Variants in CPEB3 observed in about 807,000 individuals in gnomAD.
The protein encoded by CPEB3 is cytoplasmic polyadenylation element-binding protein 3.
In CPEB3, 20 loss-of-function variants were observed where a neutral mutation model predicts 67.2. The ratio of observed to expected loss-of-function variants is 0.30; its 90% CI spans 0.21 to 0.43. CPEB3 has a LOEUF of 0.43. Ranked by LOEUF, CPEB3 falls within the 20% of genes least tolerant of loss-of-function variation. CPEB3 has a pLI of 1.00. For synonymous variants in CPEB3, 376 were observed against 393.1 expected, an observed-to-expected ratio of 0.96 and a Z score of 0.51; for missense variants, 746 against 968.6, an observed-to-expected ratio of 0.77 and a Z score of 3.05.
At position 92,233,461 on chromosome 10, in the gene CPEB3, G is replaced by A. The variant is rs531575345; in HGVS notation, c.1005+5885C>T. On this transcript the variant is annotated intron_variant, in intron 2 of 9. Coordinates refer to ENST00000265997, the MANE Select transcript of CPEB3 (RefSeq NM_014912.5). ...TTGAGGAATGAGAATTGCTTGAACA[G>A]GGAAGGCAGATGTTGCAGTGAGCCA... Among the ~76,000 whole-genome samples the A allele has an allele frequency of 5.3e-5, 8 of 151,306 alleles. No individual in the cohort carries two copies. The South Asian group carries it at 1.5e-3, about 28-fold the overall frequency.
At chr10:92,272,170 T>C (rs1157470538) in intron 1 of CPEB3, 1 of 152,168 alleles carries the variant, frequency 6.6e-6, no homozygotes, top group East Asian at 1.9e-4. Flanking sequence ...AGTGTGATAG[T>C]GAGGGGGCAG....
intron 1 of CPEB3, among the ~76,000 whole-genome samples, chr10:92,271,279 T>C (rs1372653631): frequency 2.6e-5 from 4 of 152,226 alleles, no homozygotes; most frequent in Non-Finnish European, 5.9e-5. Flanking sequence ...TGCCCCATAT[T>C]CTCCAAATGT....
intron 2 of CPEB3, among the ~76,000 whole-genome samples, chr10:92,199,520 G>A (rs893201985): frequency 2.6e-5 from 4 of 150,986 alleles, no homozygotes; most frequent in South Asian, 2.1e-4. Flanking sequence ...GTGAAACCCC[G>A]TCTATACTAA....
chr10:92,188,808 T>C (rs1489798988), intron 3 of CPEB3, among the ~76,000 whole-genome samples: 1 of 152,248 alleles, frequency 6.6e-6, no homozygotes, highest in Admixed American at 6.5e-5. Context: ...TAGAAGATAT[T>C]TTTCAGTGTG....
intron 7 of CPEB3, among the ~76,000 whole-genome samples, chr10:92,095,915 G>C (rs978498162): frequency 6.6e-6 from 1 of 151,402 alleles, no homozygotes; most frequent in Admixed American, 6.6e-5. Context: ...TTGCTCTGTC[G>C]CCCAGGCTGG....
At chr10:92,280,373 G>A (rs1301928965) in intron 1 of CPEB3, among the ~76,000 whole-genome samples, 5 of 138,452 alleles carry the variant, frequency 3.6e-5, no homozygotes, top group Middle Eastern at 3.7e-3. Context: ...AAAAAAGAGA[G>A]AGAGAGAGAA....
chr10:92,184,162 A>C (rs1170351552), intron 3 of CPEB3, among the ~76,000 whole-genome samples: 1 of 152,226 alleles, frequency 6.6e-6, no homozygotes, highest in Non-Finnish European at 1.5e-5. Flanking sequence ...GCAGTAAAAC[A>C]AGAGCCTTAG....
At chr10:92,234,472 G>C (rs1851430159) in intron 2 of CPEB3, among the ~76,000 whole-genome samples, 1 of 151,990 alleles carries the variant, frequency 6.6e-6, no homozygotes, top group Admixed American at 6.6e-5. Flanking sequence ...TACAGATTCA[G>C]TCCAGCTTCT....
intron 4 of CPEB3, among the ~76,000 whole-genome samples, chr10:92,179,479 A>C (rs1848370863): frequency 6.6e-6 from 1 of 152,204 alleles, no homozygotes; most frequent in African/African-American, 2.4e-5. Flanking sequence ...TTTTACATTC[A>C]ACTTTAAATC....
At chr10:92,143,222 G>A (rs1004694743) in intron 5 of CPEB3, 104 bp from the exon 6 acceptor site, 246 of 839,638 alleles carry the variant, frequency 2.9e-4, no homozygotes, top group Non-Finnish European at 3.5e-4. Context: ...AATGTTTTGA[G>A]GGTTGTTTTC....
At chr10:92,118,921 C>A in intron 6 of CPEB3, 1 of 1,092,142 alleles carries the variant, frequency 9.2e-7, no homozygotes, top group Non-Finnish European at 1.4e-6. Context: ...GCATGTCAGC[C>A]CTGTTACTCC....
At chr10:92,223,881 TG>T (rs757802319) in intron 2 of CPEB3, among the ~76,000 whole-genome samples, 29 of 152,154 alleles carry the variant, frequency 1.9e-4, no homozygotes, top group Non-Finnish European at 3.8e-4. Context: ...CCTGAGTAGC[TG>T]GGATTACAGG....
At chr10:92,091,070 G>A (rs375456310) in intron 8 of CPEB3, among the ~76,000 whole-genome samples, 5 of 152,110 alleles carry the variant, frequency 3.3e-5, no homozygotes, top group South Asian at 2.1e-4. Context: ...GCTAAATAAC[G>A]TTAGGTTACA....
chr10:92,052,214 A>C lies in CPEB3; in HGVS notation c.2095T>G (p.Ter699GlyextTer13), dbSNP rs1168993921. ...RPRHVPFRWS[*>G] ...TTGTGGCTGGGTCGGCCCGTGGCTC[A>C]GCTCCAGCGGAACGGGACGTGACGA... Residue 699 changes from the stop codon to glycine (G), a stop_lost, in exon 10 of 10, where the codon TGA (stop) becomes GGA (glycine). Transcript: ENST00000265997. 1 of 1,611,776 alleles carries C rather than the reference A, an allele frequency of 6.2e-7. No homozygotes were observed.
In CPEB3 at chr10:92,046,885, T is replaced by G. The variant is rs1852132026; in HGVS notation, c.*5327A>C. 6.6e-6 allele frequency: 1 copy of G among 152,172 alleles called. No homozygotes were observed. Among genetic ancestry groups the G allele is most frequent in the African/African-American group, 2.4e-5 (1 of 41,420 alleles). The allele number at this position is 152,172 out of a possible 1,614,324, so 9.4% of individuals were successfully genotyped here. On this transcript the variant is annotated 3_prime_UTR_variant, in exon 10 of 10. Transcript: ENST00000265997. ...TAAGGGTTACTAGCAAAAAACAATC[T>G]AAGAGAACAGGTAATAAAAGATACA...
intron 1 of CPEB3, among the ~76,000 whole-genome samples, chr10:92,267,200 T>C (rs148171995): frequency 2.3e-3 from 358 of 152,374 alleles, no homozygotes; most frequent in Middle Eastern, 6.8e-3. Context: ...AAATTTTTTC[T>C]GTAGCACCAC....
At chr10:92,179,505 A>C (rs1392447733) in intron 4 of CPEB3, among the ~76,000 whole-genome samples, 1 of 152,190 alleles carries the variant, frequency 6.6e-6, no homozygotes, top group East Asian at 1.9e-4. Flanking sequence ...ATCTAACTGA[A>C]GTCTTTTCAC....
chr10:92,109,721 T>A (rs1272398723), intron 7 of CPEB3, among the ~76,000 whole-genome samples: 1 of 152,200 alleles, frequency 6.6e-6, no homozygotes, highest in African/African-American at 2.4e-5. Context: ...ATTTGCTTAC[T>A]CTCCAATGAA....
intron 4 of CPEB3, among the ~76,000 whole-genome samples, chr10:92,176,633 T>C (rs973452149): frequency 6.6e-6 from 1 of 152,256 alleles, no homozygotes; most frequent in Non-Finnish European, 1.5e-5. Flanking sequence ...CCCAAGCCCA[T>C]TTTCTACTTG....
Sources: gnomAD v4.1 joint callset for allele counts (sites outside exome capture counted in the v4.1 genomes callset) on GRCh38, gnomAD v4.1.1 for gene constraint, MANE v1.5 for transcripts, NCBI Gene and HGNC (gene_info 2026-07-23, HGNC 2026-07-21) for gene names.